The following COA1 variants were observed in gnomAD, a reference collection of about 807,000 sequenced individuals.
The protein encoded by COA1 is cytochrome c oxidase assembly factor 1 homolog.
COA1 carries 13 observed loss-of-function variants against 16.0 expected under a neutral mutation model. That is an observed-to-expected ratio of 0.81 (90% CI 0.53 to 1.29). COA1 has a LOEUF of 1.29. COA1 is among the 50% of genes most tolerant of loss of function. The pLI is 0.00. For synonymous variants in COA1, 65 were observed against 65.7 expected (o/e 0.99, Z 0.05); for missense variants, 179 against 177.0 (o/e 1.01, Z -0.06).
At chr7:43,624,633 G>A in intron 6 of COA1, 1 of 1,614,058 alleles carries the variant, frequency 6.2e-7, no homozygotes. Context: ...CCTCCAAGAA[G>A]GTCATTCTGT....
chr7:43,725,269 T>C (rs368119546), intron 1 of COA1, among the ~76,000 whole-genome samples: 69 of 151,834 alleles, frequency 4.5e-4, no homozygotes, highest in African/African-American at 1.6e-3. Flanking sequence ...AAAAAAGTGT[T>C]CTGGAGATAG....
intron 1 of COA1, among the ~76,000 whole-genome samples, chr7:43,720,531 T>C (rs1396537959): frequency 6.6e-6 from 1 of 152,156 alleles, no homozygotes; most frequent in Non-Finnish European, 1.5e-5. Flanking sequence ...TTTTTAAAAA[T>C]GGCTGCTGTG....
chr7:43,674,870 G>C lies in COA1; in HGVS notation c.-38-26218C>G, dbSNP rs148142477. On this transcript the variant is annotated intron_variant, in intron 1 of 5. Transcript: ENST00000223336. Reference sequence around the variant, plus strand: ...CAGCTGAACCATGGCACAGGTATTAGGTATTTTCAAAACAGCTGGTAAAGT... The same window carrying C: ...CAGCTGAACCATGGCACAGGTATTACGTATTTTCAAAACAGCTGGTAAAGT... Among the ~76,000 whole-genome samples the C allele has an allele frequency of 8.7e-4, 132 of 152,284 alleles. 1 individual carries two copies. The East Asian group carries it at 0.021, about 25-fold the overall frequency.
intron 1 of COA1, among the ~76,000 whole-genome samples, chr7:43,717,129 C>A (rs113959999): frequency 6.6e-6 from 1 of 152,230 alleles, no homozygotes; most frequent in East Asian, 1.9e-4. Context: ...AGCCCCCACA[C>A]AGAGTCCCTA....
chr7:43,649,362 G>A (rs1231957020), intron 1 of COA1: 2 of 152,192 alleles, frequency 1.3e-5, no homozygotes, highest in East Asian at 1.9e-4. Flanking sequence ...TGTGGTACAC[G>A]AGCTTTAAGA....
intron 1 of COA1, among the ~76,000 whole-genome samples, chr7:43,664,878 C>T (rs1041009356): frequency 6.6e-6 from 1 of 152,192 alleles, no homozygotes. Flanking sequence ...AATCAACTGA[C>T]ATTTATCATC....
At chr7:43,669,565 G>A (rs2093125310) in intron 1 of COA1, among the ~76,000 whole-genome samples, 1 of 152,000 alleles carries the variant, frequency 6.6e-6, no homozygotes, top group Admixed American at 6.5e-5. Flanking sequence ...GACATGCCTG[G>A]TCAAACCAAT....
intron 1 of COA1, among the ~76,000 whole-genome samples, chr7:43,710,394 A>ATATT (rs1417053077): frequency 1.1e-4 from 15 of 135,370 alleles, no homozygotes; most frequent in South Asian, 4.7e-4. Context: ...ATATATATAT[A>ATATT]TTTTTAAGAT....
intron 1 of COA1, among the ~76,000 whole-genome samples, chr7:43,670,461 A>T (rs2093187863): frequency 6.6e-6 from 1 of 152,184 alleles, no homozygotes; most frequent in Admixed American, 6.5e-5. Flanking sequence ...TAAAAAAAAA[A>T]AAATTTTCAT....
intron 1 of COA1, among the ~76,000 whole-genome samples, chr7:43,670,983 T>C (rs909012096): frequency 3.3e-5 from 5 of 152,224 alleles, no homozygotes; most frequent in African/African-American, 1.2e-4. Flanking sequence ...TTATCCAAGG[T>C]CATTTGATTT....
In COA1 at chr7:43,691,412, GAAGA is replaced by G. The variant is rs1563385131; in HGVS notation, c.-39+38013_-39+38016del. On this transcript the variant is annotated intron_variant, in intron 1 of 5. Coordinates refer to ENST00000223336, the MANE Select transcript of COA1 (RefSeq NM_018224.4). ...GGAAGGAAGGAAGGAAGGAAGGAAG[GAAGA>G]AAGAAAAAGAAAGAAAGAAAGAAAG... 4.8e-4 allele frequency among the ~76,000 whole-genome samples: 43 copies of G among 88,694 alleles called. 1 individual carries two copies. The highest frequency in any genetic ancestry group is 2.0e-3 in the African/African-American group (41 of 20,706). The allele number at this position is 88,694 out of a possible 152,430, so 58.2% of individuals were successfully genotyped here. A position where few individuals can be genotyped will look rare whatever the true frequency, so the allele number is the denominator to read the frequency against.
At chr7:43,696,301 C>T (rs147584748) in intron 1 of COA1, among the ~76,000 whole-genome samples, 145 of 152,294 alleles carry the variant, frequency 9.5e-4, no homozygotes, top group South Asian at 5.8e-3. Flanking sequence ...CACACTATCA[C>T]GAGAACAGTA....
chr7:43,691,336 AGAGAGAGGGAGGGAGGGAGGGAGG>A, intron 1 of COA1, among the ~76,000 whole-genome samples: 1 of 37,428 alleles, frequency 2.7e-5, no homozygotes, highest in African/African-American at 1.4e-4. Flanking sequence ...AAAGAGAAAG[AGAGAGAGGGAGGGAGGGAGGGAGG>A]GAGGGAGGGA....
intron 6 of COA1, among the ~76,000 whole-genome samples, chr7:43,629,311 T>C (rs2084935572): frequency 6.6e-6 from 1 of 152,216 alleles, no homozygotes; most frequent in Non-Finnish European, 1.5e-5. Flanking sequence ...CCAAATAAAT[T>C]TTGTCAATTT....
intron 1 of COA1, chr7:43,649,371 G>A (rs1049123259): frequency 6.6e-6 from 1 of 152,236 alleles, no homozygotes; most frequent in East Asian, 1.9e-4. Flanking sequence ...CGAGCTTTAA[G>A]ATATCTAATT....
At chr7:43,625,912 G>A (rs2084477077) in intron 6 of COA1, 2 of 152,148 alleles carry the variant, frequency 1.3e-5, no homozygotes, top group East Asian at 3.8e-4. Context: ...TGGATACTCT[G>A]TAAGTAGGAG....
chr7:43,610,793 A>G (rs575904921), intron 6 of COA1, among the ~76,000 whole-genome samples: 1 of 152,122 alleles, frequency 6.6e-6, no homozygotes, highest in East Asian at 1.9e-4. Flanking sequence ...TAACTGCTTA[A>G]TTTTTATTGC....
At chr7:43,617,866 T>C (rs756775273) in intron 6 of COA1, among the ~76,000 whole-genome samples, 1 of 152,084 alleles carries the variant, frequency 6.6e-6, no homozygotes, top group African/African-American at 2.4e-5. Context: ...TCAGAGGAGA[T>C]GGAAGACACA....
chr7:43,620,235 T>TAG (rs1038753294), intron 6 of COA1, among the ~76,000 whole-genome samples: 8 of 152,176 alleles, frequency 5.3e-5, no homozygotes, highest in Admixed American at 2.6e-4. Context: ...TCCATGGGTG[T>TAG]AGGCGTATCA....
Sources: allele counts gnomAD v4.1 joint callset (sites outside exome capture counted in the v4.1 genomes callset), GRCh38; gene constraint gnomAD v4.1.1; transcripts MANE v1.5; gene names NCBI Gene and HGNC (gene_info 2026-07-23, HGNC 2026-07-21).